Variants in GIGYF2 observed in about 807,000 individuals in gnomAD.
The protein encoded by GIGYF2 is GRB10 interacting GYF protein 2.
GIGYF2 carries 25 observed loss-of-function variants against 208.1 expected under a neutral mutation model. That is an observed-to-expected ratio of 0.12 (90% CI 0.09 to 0.17). The LOEUF is 0.17. GIGYF2 is among the 10% of genes least tolerant of loss of function. The probability of loss-of-function intolerance (pLI) is 1.00; values close to 1 mark genes in which losing one functional copy is unlikely to be tolerated. For synonymous variants in GIGYF2, 534 were observed against 543.8 expected (o/e 0.98, Z 0.25); for missense variants, 1,302 against 1,579.4 (o/e 0.82, Z 2.98).
intron 8 of GIGYF2, among the ~76,000 whole-genome samples, chr2:232,783,054 G>C (rs1699773572): frequency 6.6e-6 from 1 of 152,168 alleles, no homozygotes; most frequent in African/African-American, 2.4e-5. Flanking sequence ...AAAAGTTCTT[G>C]AGGTCTTTTC....
intron 18 of GIGYF2, among the ~76,000 whole-genome samples, chr2:232,813,390 A>G (rs2106387495): frequency 6.6e-6 from 1 of 152,076 alleles, no homozygotes; most frequent in South Asian, 2.1e-4. Context: ...TTGTATTTTT[A>G]GTAGAGACAG....
At chr2:232,805,794 G>A (rs1485876130) in intron 14 of GIGYF2, among the ~76,000 whole-genome samples, 2 of 152,132 alleles carry the variant, frequency 1.3e-5, no homozygotes, top group Non-Finnish European at 2.9e-5. Context: ...GTGCTTAGAG[G>A]AGGAATAGGG....
chr2:232,801,484 C>G lies in GIGYF2; in HGVS notation c.1640-5007C>G, dbSNP rs141969848. 6.5e-3 allele frequency among the ~76,000 whole-genome samples: 995 copies of G among 152,196 alleles called. 22 individuals are homozygous for G. Among genetic ancestry groups the G allele is most frequent in the Admixed American group, 0.044 (674 of 15,284 alleles). ...AGGCTGCATTGAGCACAGCACTTGGCTTGAGTAACAGAGACCCTGTCTTAA... is the reference window on the plus strand; with the variant it reads ...AGGCTGCATTGAGCACAGCACTTGGGTTGAGTAACAGAGACCCTGTCTTAA... On this transcript the variant is annotated intron_variant, in intron 14 of 28. Transcript: ENST00000373563.
intron 2 of GIGYF2, among the ~76,000 whole-genome samples, chr2:232,720,364 A>C (rs1245421012): frequency 3.3e-5 from 5 of 152,084 alleles, no homozygotes; most frequent in African/African-American, 4.8e-5. Flanking sequence ...AGTTGGTTTC[A>C]AGTCTTTGCT....
At position 232,858,579 on chromosome 2, in the gene GIGYF2, G is replaced by A. The variant is rs1441370770; in HGVS notation, c.*1719G>A. 2.2e-6 allele frequency: 1 copy of A among 455,460 alleles called. No homozygotes were observed. The highest frequency in any genetic ancestry group is 1.6e-5 in the South Asian group (1 of 64,458). 28.2% of individuals were successfully genotyped at this position (455,460 alleles called of 1,614,324 possible). ...TTAGGCTCCCTCGGAACTTTTGCCA[G>A]TGTGGAGGAAAATAAAAAAGAACTT... On this transcript the variant is annotated 3_prime_UTR_variant, in exon 29 of 29. Transcript: ENST00000373563.
At chr2:232,855,892 T>C (rs1690547337) in intron 28 of GIGYF2, among the ~76,000 whole-genome samples, 1 of 151,690 alleles carries the variant, frequency 6.6e-6, no homozygotes, top group Non-Finnish European at 1.5e-5. Flanking sequence ...CCCATTCTTT[T>C]CTCTGATTCT....
chr2:232,703,915 C>A (rs1466923109), intron 2 of GIGYF2, among the ~76,000 whole-genome samples: 1 of 152,194 alleles, frequency 6.6e-6, no homozygotes, highest in African/African-American at 2.4e-5. Context: ...TTTGTGCAGT[C>A]TGGCCTTTTC....
At chr2:232,716,896 C>G (rs1696708107) in intron 2 of GIGYF2, among the ~76,000 whole-genome samples, 1 of 152,010 alleles carries the variant, frequency 6.6e-6, no homozygotes, top group South Asian at 2.1e-4. Flanking sequence ...GCCTCAACCT[C>G]CTGGGCTCAG....
chr2:232,852,283 C>T (rs1039232346), intron 28 of GIGYF2, among the ~76,000 whole-genome samples: 22 of 152,078 alleles, frequency 1.4e-4, no homozygotes, highest in African/African-American at 4.1e-4. Context: ...CGGTGACTCA[C>T]GCCTGTAATC....
intron 2 of GIGYF2, among the ~76,000 whole-genome samples, chr2:232,723,194 T>C (rs1697021440): frequency 6.6e-6 from 1 of 152,176 alleles, no homozygotes; most frequent in Non-Finnish European, 1.5e-5. Context: ...CATTTGGATC[T>C]ACTTTCCTCT....
At chr2:232,748,710 T>C (rs1205436166) in intron 4 of GIGYF2, among the ~76,000 whole-genome samples, 2 of 152,212 alleles carry the variant, frequency 1.3e-5, no homozygotes, top group Non-Finnish European at 2.9e-5. Flanking sequence ...TAGAGACTTT[T>C]ATTCCTCTAC....
At chr2:232,763,831 C>CA (rs35848912) in intron 8 of GIGYF2, among the ~76,000 whole-genome samples, 24,211 of 119,592 alleles carry the variant, frequency 0.2, 2,362 homozygotes, top group Middle Eastern at 0.26. Context: ...ACTCTGTCTG[C>CA]AAAAAAAAAA....
At chr2:232,754,537 T>G (rs1165413425) in intron 5 of GIGYF2, among the ~76,000 whole-genome samples, 2 of 152,224 alleles carry the variant, frequency 1.3e-5, no homozygotes, top group Non-Finnish European at 2.9e-5. Flanking sequence ...TGTGATAGTT[T>G]GGTTGACAGG....
chr2:232,743,581 G>C (rs1014288152), intron 3 of GIGYF2, among the ~76,000 whole-genome samples: 2 of 152,128 alleles, frequency 1.3e-5, no homozygotes, highest in African/African-American at 4.8e-5. Context: ...CCCCCAAGTA[G>C]ACCCCAGTGT....
chr2:232,757,773 C>G (rs1253206346), intron 6 of GIGYF2, among the ~76,000 whole-genome samples: 6 of 135,974 alleles, frequency 4.4e-5, no homozygotes, highest in Admixed American at 7.1e-5. Flanking sequence ...AACAGCACCC[C>G]CCGCCCCCCG....
intron 2 of GIGYF2, among the ~76,000 whole-genome samples, chr2:232,720,979 C>G (rs1001359108): frequency 2.6e-5 from 4 of 152,078 alleles, no homozygotes; most frequent in Admixed American, 2.6e-4. Context: ...TTGGAATAGC[C>G]AAAGAGAGAA....
intron 26 of GIGYF2, 33 bp from the exon 27 acceptor site, chr2:232,847,315 G>A: frequency 6.2e-7 from 1 of 1,604,402 alleles, no homozygotes. Flanking sequence ...TTATTTCATT[G>A]TTACCCTTAT....
Position 232,856,922 on chromosome 2 carries a change from G to A in GIGYF2, c.*62G>A. 1 of 1,030,464 alleles carries A rather than the reference G, an allele frequency of 9.7e-7. No individual in the cohort carries two copies. Among genetic ancestry groups the A allele is most frequent in the South Asian group, 1.3e-5 (1 of 79,562 alleles). The allele number at this position is 1,030,464 out of a possible 1,614,324, so 63.8% of individuals were successfully genotyped here. ...GCCGACTATGGAGTCTCCACCTTTGGACACAACACTTACTCACCATTTACT... is the reference window on the plus strand; with the variant it reads ...GCCGACTATGGAGTCTCCACCTTTGAACACAACACTTACTCACCATTTACT... On this transcript the variant is annotated 3_prime_UTR_variant, in exon 29 of 29. Coordinates refer to ENST00000373563, the MANE Select transcript of GIGYF2 (RefSeq NM_001103146.3).
chr2:232,833,279 C>T (rs1452511070), intron 22 of GIGYF2, 186 bp downstream of exon 22: 5 of 257,762 alleles, frequency 1.9e-5, no homozygotes, highest in Admixed American at 1.6e-4. Context: ...TGCAGTGGTG[C>T]GATCTTGGTT....
Sources: allele counts gnomAD v4.1 joint callset (sites outside exome capture counted in the v4.1 genomes callset), GRCh38; gene constraint gnomAD v4.1.1; transcripts MANE v1.5; gene names NCBI Gene and HGNC (gene_info 2026-07-23, HGNC 2026-07-21).